NAV3: variants seen among roughly 807,000 people sequenced by gnomAD.
The protein encoded by NAV3 is neuron navigator 3, also known as pore membrane and/or filament interacting like protein 1.
A neutral mutation model predicts 244.7 loss-of-function variants in NAV3; 87 were observed. That is an observed-to-expected ratio of 0.36 (90% CI 0.30 to 0.42). The LOEUF is 0.42. Ranked by LOEUF, NAV3 falls within the 20% of genes least tolerant of loss-of-function variation. The probability of loss-of-function intolerance (pLI) is 1.00; values close to 1 mark genes in which losing one functional copy is unlikely to be tolerated. For missense variants in NAV3, 2,663 were observed against 2,893.3 expected, an observed-to-expected ratio of 0.92 and a Z score of 1.83; for synonymous variants, 1,126 against 1,042.2, an observed-to-expected ratio of 1.08 and a Z score of -1.55.
chr12:78,178,906 C>A (rs1390183609), intron 28 of NAV3, among the ~76,000 whole-genome samples: 1 of 152,106 alleles, frequency 6.6e-6, no homozygotes, highest in African/African-American at 2.4e-5. Flanking sequence ...CCTCAGCTAG[C>A]CTGCTAACAG....
intron 1 of NAV3, among the ~76,000 whole-genome samples, chr12:77,935,577 A>C (rs1390073965): frequency 6.6e-6 from 1 of 152,228 alleles, no homozygotes; most frequent in African/African-American, 2.4e-5. Flanking sequence ...ACTAATAACA[A>C]TATTTAACAT....
intron 13 of NAV3, among the ~76,000 whole-genome samples, chr12:78,117,159 A>T (rs2694681): frequency 0.5 from 6,228 of 12,480 alleles, 964 homozygotes; most frequent in Middle Eastern, 0.55. Context: ...CAGAAGCAGC[A>T]TATATATATA....
intron 2 of NAV3, among the ~76,000 whole-genome samples, chr12:77,572,959 C>T (rs1421860145): frequency 1.3e-5 from 2 of 152,134 alleles, no homozygotes; most frequent in African/African-American, 4.8e-5. Context: ...GAGTGAGAAC[C>T]ACCTAAAGAA....
chr12:78,159,878 G>C lies in NAV3; in HGVS notation c.4869+592G>C, dbSNP rs990004404. On this transcript the variant is annotated intron_variant, in intron 23 of 39. Transcript: ENST00000397909. ...TTAAGAAAGAGAAACAGTCACATAA[G>C]AGAATATTCTGGGGGCAAACTGTTA... 5.9e-5 allele frequency among the ~76,000 whole-genome samples: 9 copies of C among 152,168 alleles called. No individual in the cohort carries two copies. The South Asian group carries it at 1.7e-3, about 28-fold the overall frequency.
chr12:77,831,704 G>A lies in NAV3; in HGVS notation c.243G>A (p.Lys81=), dbSNP rs1873730075. 6.3e-7 allele frequency: 1 copy of A among 1,598,624 alleles called. No individual in the cohort carries two copies. Among genetic ancestry groups the A allele is most frequent in the Non-Finnish European group, 8.5e-7 (1 of 1,174,370 alleles). Residue 81 remains lysine, a splice_region_variant and synonymous_variant, in exon 1 of 40, where the codon AAG becomes AAA. Coordinates refer to ENST00000397909, the MANE Select transcript of NAV3 (RefSeq NM_001024383.2). ...QGKAKEKEDS[K]IYTDWANHYL... is the part of the protein sequence containing the mutation. ...AAGCCAAGGAGAAAGAAGACAGCAA[G>A]GTTAGTTGCTGAAGTTACCTGCAGA... is the stretch of plus-strand genomic sequence containing the variant.
At chr12:78,120,242 G>A (rs1027923330) in intron 15 of NAV3, among the ~76,000 whole-genome samples, 1 of 152,120 alleles carries the variant, frequency 6.6e-6, no homozygotes, top group Non-Finnish European at 1.5e-5. Flanking sequence ...CCTAAGTGTA[G>A]TGATAAGGCA....
chr12:77,688,175 G>A (rs540002010), intron 2 of NAV3, among the ~76,000 whole-genome samples: 89 of 151,512 alleles, frequency 5.9e-4, no homozygotes, highest in Middle Eastern at 3.4e-3. Flanking sequence ...TATTAGTACC[G>A]AAAAGTTAAA....
intron 1 of NAV3, among the ~76,000 whole-genome samples, chr12:77,899,625 T>C (rs1379489181): frequency 6.6e-6 from 1 of 152,168 alleles, no homozygotes; most frequent in East Asian, 1.9e-4. Flanking sequence ...AAACTAAAAA[T>C]TGTGTGACTT....
intron 29 of NAV3, 38 bp from the exon 30 acceptor site, chr12:78,180,833 C>T (rs374774003): frequency 9.8e-5 from 152 of 1,552,460 alleles, no homozygotes; most frequent in Admixed American, 1.7e-4. Context: ...TCAATCAAAC[C>T]AACTCAGTTT....
intron 33 of NAV3, among the ~76,000 whole-genome samples, chr12:78,189,625 T>C (rs1484692894): frequency 6.6e-6 from 1 of 151,554 alleles, no homozygotes; most frequent in East Asian, 1.9e-4. Flanking sequence ...TTTATTCTTA[T>C]AGTCTTCACA....
chr12:77,852,995 A>T (rs1435822138), intron 1 of NAV3, among the ~76,000 whole-genome samples: 1 of 152,168 alleles, frequency 6.6e-6, no homozygotes, highest in Non-Finnish European at 1.5e-5. Flanking sequence ...GTAGATCCCT[A>T]GGGGTGAAAC....
At chr12:77,615,210 A>G (rs1172466580) in intron 2 of NAV3, among the ~76,000 whole-genome samples, 2 of 152,176 alleles carry the variant, frequency 1.3e-5, no homozygotes, top group East Asian at 3.9e-4. Flanking sequence ...GAAAAATTTC[A>G]TGAAGGATTA....
chr12:77,987,175 A>T (rs1870663557), intron 5 of NAV3, among the ~76,000 whole-genome samples: 1 of 152,176 alleles, frequency 6.6e-6, no homozygotes, highest in African/African-American at 2.4e-5. Context: ...CATATTCTGT[A>T]TACAGATTCT....
chr12:77,994,801 A>C lies in NAV3; in HGVS notation c.672-2A>C. 1 of 1,609,070 alleles carries C rather than the reference A, an allele frequency of 6.2e-7. No homozygotes were observed. Among genetic ancestry groups the C allele is most frequent in the Non-Finnish European group, 8.5e-7 (1 of 1,177,506 alleles). ...TCAATTTCTCTGTTTCTCCTCATAC[A>C]GTCTGGCAGCCAGATATGCAACTCA... On this transcript the variant is annotated splice_acceptor_variant, in intron 5 of 39. Transcript: ENST00000397909. LOFTEE classifies it high-confidence loss of function.
At chr12:78,147,461 A>G (rs1956907890) in intron 21 of NAV3, among the ~76,000 whole-genome samples, 1 of 152,108 alleles carries the variant, frequency 6.6e-6, no homozygotes, top group South Asian at 2.1e-4. Context: ...TACTGGAATC[A>G]TGTAATAGAG....
intron 3 of NAV3, among the ~76,000 whole-genome samples, chr12:77,963,676 C>A (rs971152039): frequency 6.6e-6 from 1 of 152,060 alleles, no homozygotes; most frequent in African/African-American, 2.4e-5. Flanking sequence ...GCTACTCAGG[C>A]AATAATGGGG....
intron 33 of NAV3, among the ~76,000 whole-genome samples, chr12:78,189,188 T>A (rs1167420169): frequency 6.6e-6 from 1 of 151,890 alleles, no homozygotes; most frequent in African/African-American, 2.4e-5. Flanking sequence ...GAAGAGGGAA[T>A]AGAAGTTAAG....
intron 1 of NAV3, among the ~76,000 whole-genome samples, chr12:77,919,171 T>G (rs887850909): frequency 5.3e-5 from 8 of 152,016 alleles, no homozygotes; most frequent in African/African-American, 1.9e-4. Flanking sequence ...AACAAATATT[T>G]TATGTCTATG....
rs550312044 is a variant in NAV3 at position 77,713,652 on chromosome 12, T to C, written c.72+141386T>C. Among the ~76,000 whole-genome samples, 118 of 152,322 alleles carry C rather than the reference T, an allele frequency of 7.7e-4. 2 individuals carry two copies. The Middle Eastern group carries it at 0.01, about 13-fold the overall frequency. ...TTTATGATCTTCCTTAAACTTTTTG[T>C]GTATGACCTTTGATGTCTTTGTTTC... is the stretch of plus-strand genomic sequence containing the variant. On this transcript the variant is annotated intron_variant, in intron 2 of 8. Coordinates refer to the NAV3 transcript ENST00000550042.
Sources: allele counts gnomAD v4.1 joint callset (sites outside exome capture counted in the v4.1 genomes callset), GRCh38; gene constraint gnomAD v4.1.1; transcripts MANE v1.5; gene names NCBI Gene and HGNC (gene_info 2026-07-23, HGNC 2026-07-21).